The following ARHGEF18 variants were observed in gnomAD, a reference collection of about 807,000 sequenced individuals.
ARHGEF18 encodes rho guanine nucleotide exchange factor 18.
Under a neutral mutation model 155.7 loss-of-function variants are expected in ARHGEF18, and 93 were observed. The ratio of observed to expected loss-of-function variants is 0.60; its 90% CI spans 0.50 to 0.71. ARHGEF18 has a LOEUF of 0.71. Ranked by LOEUF, ARHGEF18 falls within the 30% of genes least tolerant of loss-of-function variation. ARHGEF18 has a pLI of 0.00. For missense variants in ARHGEF18, 1,593 were observed against 1,816.1 expected, an observed-to-expected ratio of 0.88 and a Z score of 2.23; for synonymous variants, 742 against 753.1, an observed-to-expected ratio of 0.99 and a Z score of 0.24.
intron 10 of ARHGEF18, among the ~76,000 whole-genome samples, chr19:7,407,485 G>A (rs1972388127): frequency 6.6e-6 from 1 of 151,488 alleles, no homozygotes. Flanking sequence ...TTTGCTCCCA[G>A]CATGGGCAAT....
At chr19:7,464,730 C>T in intron 23 of ARHGEF18, 40 bp downstream of exon 23, 1 of 1,608,582 alleles carries the variant, frequency 6.2e-7, no homozygotes, top group Admixed American at 1.7e-5. Flanking sequence ...TCTGAGTCGT[C>T]ATAAGGATTC....
chr19:7,383,281 G>A (rs1188657382), intron 10 of ARHGEF18, 78 bp downstream of exon 10: 4 of 1,228,236 alleles, frequency 3.3e-6, no homozygotes, highest in Non-Finnish European at 4.1e-6. Context: ...CATACTCCTG[G>A]GGTCTCTTTT....
chr19:7,427,997 T>A (rs1236094850), intron 10 of ARHGEF18, among the ~76,000 whole-genome samples: 1 of 152,040 alleles, frequency 6.6e-6, no homozygotes, highest in Non-Finnish European at 1.5e-5. Flanking sequence ...ACCTCTCTTT[T>A]AAAGGAATAG....
intron 10 of ARHGEF18, among the ~76,000 whole-genome samples, chr19:7,436,526 G>C (rs572210218): frequency 6.6e-6 from 1 of 151,908 alleles, no homozygotes; most frequent in Non-Finnish European, 1.5e-5. Flanking sequence ...GATCCACCCC[G>C]CTCGGCCTCC....
At chr19:7,477,915 G>A in the ARHGEF18 span, among the ~76,000 whole-genome samples, 57 of 152,324 alleles carry the variant, frequency 3.7e-4, no homozygotes, top group East Asian at 5.8e-4. Context: ...CCAGCTACTC[G>A]GGAAGCTGAA....
chr19:7,416,530 CGTGTGT>C (rs71179108), intron 10 of ARHGEF18, among the ~76,000 whole-genome samples: 1,783 of 105,936 alleles, frequency 0.017, 14 homozygotes, highest in South Asian at 0.027. Context: ...GGAGAAAATT[CGTGTGT>C]GTGTGTGTGT....
chr19:7,381,023 G>A, intron 8 of ARHGEF18, 29 bp downstream of exon 8: 1 of 1,230,338 alleles, frequency 8.1e-7, no homozygotes, highest in Non-Finnish European at 1.0e-6. Flanking sequence ...TTCTGGGGAG[G>A]GCAGCCTTGG....
At chr19:7,473,466 T>A (rs555972135), downstream of ARHGEF18, 1 of 363,716 alleles carries the variant, frequency 2.7e-6, no homozygotes, top group African/African-American at 2.1e-5. Context: ...GCCCAGGAGT[T>A]CAAGACCAGC....
intron 1 of ARHGEF18, among the ~76,000 whole-genome samples, chr19:7,361,620 C>G (rs1969552459): frequency 6.6e-6 from 1 of 152,108 alleles, no homozygotes; most frequent in Admixed American, 6.6e-5. Flanking sequence ...GTGAAAACGA[C>G]CCAAATGTCC....
chr19:7,371,698 G>A (rs1970212423), intron 2 of ARHGEF18, among the ~76,000 whole-genome samples: 1 of 151,934 alleles, frequency 6.6e-6, no homozygotes, highest in Non-Finnish European at 1.5e-5. Context: ...GTGGGTGCCT[G>A]TAATCCCAGC....
At chr19:7,439,280 ACC>A (rs113289764) in intron 10 of ARHGEF18, among the ~76,000 whole-genome samples, 2 of 144,944 alleles carry the variant, frequency 1.4e-5, no homozygotes, top group Non-Finnish European at 3.0e-5. Context: ...ACATAGTGAG[ACC>A]CCCCCCCAAC....
chr19:7,357,321 T>G (rs1969348901), intron 1 of ARHGEF18, among the ~76,000 whole-genome samples: 1 of 152,232 alleles, frequency 6.6e-6, no homozygotes, highest in Non-Finnish European at 1.5e-5. Context: ...CCCAGGTCCC[T>G]AAGAAGTTCT....
Position 7,467,528 on chromosome 19 carries a change from G to C in ARHGEF18, c.3324G>C (p.Glu1108Asp), listed in dbSNP as rs1191574772. 1 of 1,442,982 alleles carries C rather than the reference G, an allele frequency of 6.9e-7. No homozygotes were observed. The highest frequency in any genetic ancestry group is 9.0e-7 in the Non-Finnish European group (1 of 1,109,666). 89.4% of individuals were successfully genotyped at this position (1,442,982 alleles called of 1,614,324 possible). ...LRERLEQERA[E>D]LERQRQAYQH... ...AGCGGCTGGAGCAGGAGCGGGCCGA[G>C]CTGGAGCGCCAGCGCCAGGCCTACC... The change falls in exon 26 of 29, where the codon GAG (glutamate) becomes GAC (aspartate). Residue 1108 changes from glutamate to aspartate, a missense_variant. Glu to Asp is a conservative substitution (Grantham distance 45). Coordinates refer to ENST00000668164, the MANE Select transcript of ARHGEF18 (RefSeq NM_001367823.1).
rs138484834 is a variant in ARHGEF18, at chr19:7,354,377, G to A, written c.-111+5136G>A. 5.5e-3 allele frequency among the ~76,000 whole-genome samples: 825 copies of A among 150,578 alleles called. 5 individuals carry two copies. Among genetic ancestry groups the A allele is most frequent in the African/African-American group, 0.019 (787 of 41,348 alleles). ...TCCCAGCACTTTGGGAGGCTGATTT[G>A]GGGCTGGGGGTGATTTGGGGCTGGG... On this transcript the variant is annotated intron_variant, in intron 1 of 28. Coordinates refer to ENST00000668164, the MANE Select transcript of ARHGEF18 (RefSeq NM_001367823.1).
intron 10 of ARHGEF18, among the ~76,000 whole-genome samples, chr19:7,438,105 C>T (rs1974389128): frequency 7.3e-6 from 1 of 137,586 alleles, no homozygotes; most frequent in Non-Finnish European, 1.6e-5. Context: ...CTCCCTTCTC[C>T]TCCCCTCTTC....
rs368207061 is a variant in ARHGEF18, at chr19:7,468,929, C to T, written c.3585C>T (p.Pro1195=). Residue 1195 remains proline (P), a synonymous_variant, in exon 27 of 29, where the codon CCC becomes CCT. Transcript: ENST00000668164. The part of the protein sequence containing the change: ...SGVGPEYAER[P]EVARRDSAPT... ...TGGGGCCAGAGTACGCAGAGCGCCC[C>T]GAGGTGGCTCGCCGGGACAGCGCCC... The T allele has an allele frequency of 1.3e-4, 197 of 1,575,700 alleles. No individual in the cohort carries two copies. The highest frequency in any genetic ancestry group is 1.7e-4 in the Non-Finnish European group (193 of 1,161,852).
intron 10 of ARHGEF18, among the ~76,000 whole-genome samples, chr19:7,418,970 C>T (rs1013256801): frequency 2.6e-5 from 4 of 151,952 alleles, no homozygotes; most frequent in Non-Finnish European, 4.4e-5. Context: ...GGTGTGTCTG[C>T]TCTCCAGCCC....
At chr19:7,411,694 C>T (rs1173881582) in intron 10 of ARHGEF18, among the ~76,000 whole-genome samples, 1 of 152,050 alleles carries the variant, frequency 6.6e-6, no homozygotes, top group Non-Finnish European at 1.5e-5. Flanking sequence ...CTACCATCAC[C>T]ACCATCCATC....
intron 10 of ARHGEF18, among the ~76,000 whole-genome samples, chr19:7,386,285 C>T (rs1037848133): frequency 6.8e-6 from 1 of 147,212 alleles, no homozygotes; most frequent in African/African-American, 2.5e-5. Context: ...GAAAAGGAGA[C>T]AGAGTGATTA....
Sources: allele counts gnomAD v4.1 joint callset (sites outside exome capture counted in the v4.1 genomes callset), GRCh38; gene constraint gnomAD v4.1.1; transcripts MANE v1.5; gene names NCBI Gene and HGNC (gene_info 2026-07-23, HGNC 2026-07-21).